Variants in UBAP2 observed in about 807,000 individuals in gnomAD.
UBAP2 encodes the protein ubiquitin associated protein 2, also known as ubiquitin-associated protein 2.
A neutral mutation model predicts 139.6 loss-of-function variants in UBAP2; 75 were observed. That is an observed-to-expected ratio of 0.54 (90% CI 0.45 to 0.65). UBAP2 has a LOEUF of 0.65. Among genes scored for constraint, UBAP2 ranks in the 30% least tolerant of loss-of-function variants. The pLI is 0.00. For missense variants in UBAP2, 1,368 were observed against 1,369.6 expected, an observed-to-expected ratio of 1.00 and a Z score of 0.02; for synonymous variants, 526 against 526.2, an observed-to-expected ratio of 1.00 and a Z score of 0.01.
intron 2 of UBAP2, among the ~76,000 whole-genome samples, chr9:34,001,048 C>T (rs1302961746): frequency 6.6e-6 from 1 of 152,054 alleles, no homozygotes; most frequent in Non-Finnish European, 1.5e-5. Context: ...CCAATAAGTC[C>T]CAGTGCCACA....
At chr9:33,987,902 C>T (rs1323723062) in intron 5 of UBAP2, among the ~76,000 whole-genome samples, 1 of 152,104 alleles carries the variant, frequency 6.6e-6, no homozygotes, top group Non-Finnish European at 1.5e-5. Context: ...AGGATACTAA[C>T]AGGAAGATGC....
intron 2 of UBAP2, among the ~76,000 whole-genome samples, chr9:34,002,401 C>CA (rs1822791538): frequency 2.4e-5 from 3 of 124,696 alleles, no homozygotes; most frequent in Non-Finnish European, 4.8e-5. Context: ...TTTTTTGAGA[C>CA]AGAGTCTCGC....
chr9:33,941,622 T>G (rs1267300720), intron 16 of UBAP2, 27 bp downstream of exon 16: 2 of 1,588,294 alleles, frequency 1.3e-6, no homozygotes, highest in Admixed American at 3.4e-5. Context: ...GGACATCTTC[T>G]GAGAAAAAAA....
chr9:33,983,758 A>C (rs772351822), intron 6 of UBAP2, among the ~76,000 whole-genome samples: 3 of 152,220 alleles, frequency 2.0e-5, no homozygotes, highest in Non-Finnish European at 4.4e-5. Flanking sequence ...TATCTTTGAC[A>C]ATAGTAAGTT....
chr9:33,943,376 C>T, intron 15 of UBAP2, 44 bp downstream of exon 15: 2 of 1,597,390 alleles, frequency 1.3e-6, no homozygotes, highest in South Asian at 1.1e-5. Flanking sequence ...GTTGATCTCT[C>T]TTAGGGTCTA....
chr9:34,018,186 C>A lies in UBAP2; in HGVS notation c.-41-997G>T, dbSNP rs773580526. On this transcript the variant is annotated intron_variant, in intron 1 of 28. Coordinates refer to ENST00000379238, the MANE Select transcript of UBAP2 (RefSeq NM_001370062.2). Reference sequence around the variant, plus strand: ...ATTTAAAAAAAAAAAAAAATTATAACCATAAGATTCCTACTTCCTACCCTT... The same window carrying A: ...ATTTAAAAAAAAAAAAAAATTATAAACATAAGATTCCTACTTCCTACCCTT... 2.0e-5 allele frequency among the ~76,000 whole-genome samples: 3 copies of A among 149,970 alleles called. No homozygotes were observed. In the Admixed American group the frequency reaches 2.0e-4, roughly 10 times the overall value.
At chr9:34,037,152 C>T (rs1826501071) in intron 1 of UBAP2, among the ~76,000 whole-genome samples, 1 of 152,028 alleles carries the variant, frequency 6.6e-6, no homozygotes. Flanking sequence ...CCATGCCTGG[C>T]TAATTTTTTG....
intron 9 of UBAP2, 104 bp from the exon 10 acceptor site, chr9:33,960,982 C>A: frequency 9.7e-7 from 1 of 1,034,882 alleles, no homozygotes; most frequent in Non-Finnish European, 1.5e-6. Flanking sequence ...AAGATACATA[C>A]GCCTCACTAG....
At chr9:34,003,773 T>C (rs906021549) in intron 2 of UBAP2, among the ~76,000 whole-genome samples, 1 of 151,652 alleles carries the variant, frequency 6.6e-6, no homozygotes, top group Non-Finnish European at 1.5e-5. Flanking sequence ...CAGGCTGGAG[T>C]GCAGTGGTGC....
At chr9:33,980,001 A>T (rs1226923395) in intron 6 of UBAP2, among the ~76,000 whole-genome samples, 1 of 151,712 alleles carries the variant, frequency 6.6e-6, no homozygotes, top group Non-Finnish European at 1.5e-5. Context: ...TGAACCTGGG[A>T]GGTGGAGGTT....
chr9:33,948,236 T>C (rs992159780), intron 13 of UBAP2, 138 bp downstream of exon 13: 1 of 675,510 alleles, frequency 1.5e-6, no homozygotes, highest in Non-Finnish European at 2.3e-6. Context: ...AAGACTGATT[T>C]AACTGAGAAA....
chr9:33,928,296 T>C (rs1823654229), intron 19 of UBAP2: 1 of 333,856 alleles, frequency 3.0e-6, no homozygotes, highest in African/African-American at 2.1e-5. Context: ...GCATCCAAAA[T>C]GAGGGCATAG....
intron 10 of UBAP2, 36 bp from the exon 11 acceptor site, chr9:33,956,182 C>T (rs753789746): frequency 1.3e-6 from 2 of 1,537,872 alleles, no homozygotes; most frequent in Non-Finnish European, 1.8e-6. Flanking sequence ...TCTTATTCTA[C>T]ATACTACTAA....
intron 21 of UBAP2, 143 bp downstream of exon 21, chr9:33,926,846 C>T (rs1416103675): frequency 1.2e-5 from 12 of 975,298 alleles, no homozygotes; most frequent in Middle Eastern, 2.4e-4. Context: ...ACCACCAGGG[C>T]TCAGTGGGGC....
At chr9:34,008,774 G>C (rs971918680) in intron 2 of UBAP2, among the ~76,000 whole-genome samples, 42 of 151,836 alleles carry the variant, frequency 2.8e-4, no homozygotes, top group African/African-American at 7.7e-4. Context: ...AGACCATCCT[G>C]GCCAACATGG....
At chr9:33,939,904 A>G (rs1825031964) in intron 16 of UBAP2, among the ~76,000 whole-genome samples, 1 of 11,066 alleles carries the variant, frequency 9.0e-5, no homozygotes, top group Admixed American at 1.0e-3. Flanking sequence ...GAGGAGGAGG[A>G]GGATGGGGAG....
At chr9:33,930,534 G>C (rs1027451955) in intron 19 of UBAP2, among the ~76,000 whole-genome samples, 1 of 151,708 alleles carries the variant, frequency 6.6e-6, no homozygotes, top group Non-Finnish European at 1.5e-5. Flanking sequence ...TACACAAGTG[G>C]GGAAAAAAAA....
chr9:33,956,021 G>T, intron 11 of UBAP2, 58 bp downstream of exon 11: 3 of 1,374,138 alleles, frequency 2.2e-6, no homozygotes, highest in Non-Finnish European at 3.0e-6. Flanking sequence ...CTTTTCCTGA[G>T]GCAAAAGATT....
chr9:34,023,667 T>C (rs754831240), intron 1 of UBAP2, among the ~76,000 whole-genome samples: 1 of 152,230 alleles, frequency 6.6e-6, no homozygotes, highest in Non-Finnish European at 1.5e-5. Context: ...CTTTATTGTT[T>C]GGAAAAAGTT....
Sources: gnomAD v4.1 joint callset for allele counts (sites outside exome capture counted in the v4.1 genomes callset) on GRCh38, gnomAD v4.1.1 for gene constraint, MANE v1.5 for transcripts, NCBI Gene and HGNC (gene_info 2026-07-23, HGNC 2026-07-21) for gene names.